Variants in NCKAP5 observed in about 807,000 individuals in gnomAD.
The protein encoded by NCKAP5 is NCK associated protein 5.
A neutral mutation model predicts 167.0 loss-of-function variants in NCKAP5; 92 were observed. That is an observed-to-expected ratio of 0.55 (90% CI 0.47 to 0.66). The LOEUF (loss-of-function observed/expected upper bound fraction) is 0.66. NCKAP5 is among the 30% of genes least tolerant of loss of function. NCKAP5 has a pLI of 0.00. For missense variants in NCKAP5, 2,378 were observed against 2,315.0 expected (o/e 1.03, Z -0.56); for synonymous variants, 891 against 877.4 (o/e 1.02, Z -0.27).
chr2:132,745,561 A>C (rs549677577), intron 16 of NCKAP5, among the ~76,000 whole-genome samples: 157 of 152,012 alleles, frequency 1.0e-3, no homozygotes, highest in Non-Finnish European at 1.8e-3. Flanking sequence ...GTTAGCTCTT[A>C]CCACTTCCAT....
At chr2:133,371,685 T>C (rs926208704) in intron 3 of NCKAP5, among the ~76,000 whole-genome samples, 1 of 152,204 alleles carries the variant, frequency 6.6e-6, no homozygotes, top group African/African-American at 2.4e-5. Context: ...ACAAAAATAA[T>C]ATATGTTCTC....
At chr2:132,812,310 T>C (rs1167069347) in intron 11 of NCKAP5, among the ~76,000 whole-genome samples, 1 of 152,214 alleles carries the variant, frequency 6.6e-6, no homozygotes, top group African/African-American at 2.4e-5. Context: ...ATATGCATTA[T>C]TTTTCCTTAT....
Position 132,693,616 on chromosome 2 carries a change from C to G in NCKAP5, c.5714-20311G>C, listed in dbSNP as rs940842126. ...AAAGAATACCCCGAATACCCCACCC[C>G]GCCTTTTTTTTTTTTTTTTTTTTTT... On this transcript the variant is annotated intron_variant, in intron 19 of 19. Transcript: ENST00000409261. 4.1e-5 allele frequency among the ~76,000 whole-genome samples: 6 copies of G among 146,480 alleles called. No individual in the cohort carries two copies. The Admixed American group carries it at 4.1e-4, about 10-fold the overall frequency.
intron 5 of NCKAP5, among the ~76,000 whole-genome samples, chr2:133,194,352 C>T (rs2085348908): frequency 6.6e-6 from 1 of 151,886 alleles, no homozygotes; most frequent in Non-Finnish European, 1.5e-5. Context: ...AAAAATCTTC[C>T]ACCACACAAA....
intron 5 of NCKAP5, among the ~76,000 whole-genome samples, chr2:133,134,880 A>G (rs1461436860): frequency 6.6e-6 from 1 of 152,232 alleles, no homozygotes; most frequent in Non-Finnish European, 1.5e-5. Context: ...AGCAAAATCT[A>G]TATAGATTCT....
intron 8 of NCKAP5, among the ~76,000 whole-genome samples, chr2:132,921,790 G>T (rs1377127081): frequency 2.0e-5 from 3 of 152,176 alleles, no homozygotes; most frequent in African/African-American, 7.2e-5. Context: ...TTTGGTTGGA[G>T]CTGACTCCAA....
At chr2:133,520,227 G>T (rs1375262055) in intron 2 of NCKAP5, among the ~76,000 whole-genome samples, 1 of 152,030 alleles carries the variant, frequency 6.6e-6, no homozygotes, top group Non-Finnish European at 1.5e-5. Flanking sequence ...AGAGAGAGAG[G>T]ACCCATTTCT....
chr2:133,071,920 A>G (rs542907513), intron 6 of NCKAP5, among the ~76,000 whole-genome samples: 48 of 152,266 alleles, frequency 3.2e-4, no homozygotes, highest in Admixed American at 1.0e-3. Context: ...GCTCTGCCAT[A>G]GTGTATTGAG....
chr2:133,095,554 C>T (rs1191217925), intron 6 of NCKAP5, among the ~76,000 whole-genome samples: 1 of 152,224 alleles, frequency 6.6e-6, no homozygotes, highest in Middle Eastern at 3.2e-3. Context: ...TGAGACCCCG[C>T]ATGGCAGGGG....
chr2:133,146,643 T>G (rs756296374), intron 5 of NCKAP5, among the ~76,000 whole-genome samples: 3 of 152,100 alleles, frequency 2.0e-5, no homozygotes, highest in Non-Finnish European at 4.4e-5. Context: ...ATACATCAGG[T>G]TGCCACCAAC....
intron 3 of NCKAP5, among the ~76,000 whole-genome samples, chr2:133,373,300 C>T (rs184878221): frequency 2.9e-4 from 44 of 152,210 alleles, no homozygotes; most frequent in Non-Finnish European, 5.9e-4. Flanking sequence ...CTCAAGTGAT[C>T]CACCCACCTC....
chr2:133,234,268 C>T (rs1186007674), intron 4 of NCKAP5, among the ~76,000 whole-genome samples: 1 of 152,142 alleles, frequency 6.6e-6, no homozygotes, highest in Non-Finnish European at 1.5e-5. Flanking sequence ...TTTAGATAAA[C>T]AAAAGTACAC....
chr2:132,867,944 A>C (rs1055903876), intron 10 of NCKAP5, among the ~76,000 whole-genome samples: 23 of 152,330 alleles, frequency 1.5e-4, no homozygotes, highest in African/African-American at 5.5e-4. Context: ...TTGTAGAAGG[A>C]ACTGTGACAT....
At chr2:132,897,777 T>G (rs1693319184) in intron 8 of NCKAP5, among the ~76,000 whole-genome samples, 1 of 152,220 alleles carries the variant, frequency 6.6e-6, no homozygotes, top group Non-Finnish European at 1.5e-5. Flanking sequence ...TGCAACAGCC[T>G]TATGTCCAGA....
intron 12 of NCKAP5, among the ~76,000 whole-genome samples, chr2:132,791,772 A>G (rs1340808747): frequency 1.3e-5 from 2 of 152,224 alleles, no homozygotes; most frequent in Admixed American, 6.5e-5. Context: ...TGGGAAAGGA[A>G]GGTAATGATG....
intron 5 of NCKAP5, among the ~76,000 whole-genome samples, chr2:133,136,412 C>T (rs150650816): frequency 4.6e-5 from 7 of 152,254 alleles, no homozygotes; most frequent in South Asian, 4.1e-4. Context: ...ATATATTTGA[C>T]GAAACATATC....
At chr2:133,612,146 T>C in the NCKAP5 span, among the ~76,000 whole-genome samples, 1 of 152,134 alleles carries the variant, frequency 6.6e-6, no homozygotes, top group Non-Finnish European at 1.5e-5. Flanking sequence ...GCTCCAATGA[T>C]GACCTTGGAA....
intron 6 of NCKAP5, among the ~76,000 whole-genome samples, chr2:133,079,902 C>A (rs1238786869): frequency 6.6e-6 from 1 of 152,022 alleles, no homozygotes. Context: ...TTTAGCTGTT[C>A]CCCATTGTTG....
chr2:132,728,666 A>G (rs1435921005), intron 18 of NCKAP5, 150 bp downstream of exon 18: 3 of 990,664 alleles, frequency 3.0e-6, no homozygotes, highest in Non-Finnish European at 4.4e-6. Flanking sequence ...GGCAGGGGAA[A>G]GGGTGAACCC....
Sources: gnomAD v4.1 joint callset for allele counts (sites outside exome capture counted in the v4.1 genomes callset) on GRCh38, gnomAD v4.1.1 for gene constraint, MANE v1.5 for transcripts, NCBI Gene and HGNC (gene_info 2026-07-23, HGNC 2026-07-21) for gene names.